The following SHROOM3 variants were observed in gnomAD, a reference collection of about 807,000 sequenced individuals.
SHROOM3 encodes the protein shroom family member 3.
Under a neutral mutation model 138.6 loss-of-function variants are expected in SHROOM3, and 47 were observed. The ratio of observed to expected loss-of-function variants is 0.34; its 90% CI spans 0.27 to 0.43. The LOEUF is 0.43. Among genes scored for constraint, SHROOM3 ranks in the 20% least tolerant of loss-of-function variants. SHROOM3 has a pLI of 1.00. For synonymous variants in SHROOM3, 1,062 were observed against 1,063.3 expected (o/e 1.00, Z 0.02); for missense variants, 2,491 against 2,596.5 (o/e 0.96, Z 0.88).
intron 1 of SHROOM3, among the ~76,000 whole-genome samples, chr4:76,516,230 T>G (rs770536647): frequency 1.2e-4 from 18 of 152,202 alleles, no homozygotes; most frequent in Non-Finnish European, 1.9e-4. Context: ...TCTCCGTCAT[T>G]TCTCCTGTTC....
intron 1 of SHROOM3, among the ~76,000 whole-genome samples, chr4:76,522,215 T>C (rs972635155): frequency 2.7e-5 from 4 of 149,192 alleles, no homozygotes; most frequent in African/African-American, 7.3e-5. Flanking sequence ...GTCTATATTA[T>C]ATATGAATAA....
At chr4:76,584,710 A>G (rs538998035) in intron 2 of SHROOM3, among the ~76,000 whole-genome samples, 7 of 152,292 alleles carry the variant, frequency 4.6e-5, no homozygotes, top group African/African-American at 1.7e-4. Flanking sequence ...AATGAATTGC[A>G]CGGCCTGGCT....
At chr4:76,773,515 G>A (rs112269307) in intron 10 of SHROOM3, among the ~76,000 whole-genome samples, 1 of 152,102 alleles carries the variant, frequency 6.6e-6, no homozygotes, top group Non-Finnish European at 1.5e-5. Flanking sequence ...ATGAGGGCTC[G>A]CCCCTTGTCC....
intron 2 of SHROOM3, among the ~76,000 whole-genome samples, chr4:76,644,635 G>A (rs998122814): frequency 4.6e-5 from 7 of 151,710 alleles, no homozygotes; most frequent in African/African-American, 1.7e-4. Context: ...GATACAATGT[G>A]ATGATTTGAT....
chr4:76,742,226 A>G, intron 5 of SHROOM3: 2 of 437,286 alleles, frequency 4.6e-6, no homozygotes, highest in Non-Finnish European at 8.3e-6. Flanking sequence ...AAGAAAAATT[A>G]GGGATTATCT....
chr4:76,514,850 G>C (rs13102093), intron 1 of SHROOM3, among the ~76,000 whole-genome samples: 29,466 of 152,104 alleles, frequency 0.19, 3,519 homozygotes, highest in African/African-American at 0.33. Context: ...TGCAGTGGCT[G>C]ACATCTGTAA....
intron 2 of SHROOM3, among the ~76,000 whole-genome samples, chr4:76,633,770 A>G (rs1244295430): frequency 6.6e-6 from 1 of 152,104 alleles, no homozygotes; most frequent in African/African-American, 2.4e-5. Context: ...TTCTCACCCA[A>G]ATACCCAATA....
At chr4:76,470,633 G>A (rs1342788238) in intron 1 of SHROOM3, among the ~76,000 whole-genome samples, 1 of 152,128 alleles carries the variant, frequency 6.6e-6, no homozygotes, top group Non-Finnish European at 1.5e-5. Context: ...GGCTATCAAA[G>A]GATAATTACA....
At position 76,457,495 on chromosome 4, in the gene SHROOM3, AT is replaced by A. The variant is rs763634018; in HGVS notation, c.168+21290del. 2.8e-3 allele frequency among the ~76,000 whole-genome samples: 397 copies of A among 142,292 alleles called. 2 individuals carry two copies. Among genetic ancestry groups the A allele is most frequent in the South Asian group, 0.02 (91 of 4,456 alleles). 93.3% of individuals were successfully genotyped at this position (142,292 alleles called of 152,430 possible). A position where few individuals can be genotyped will look rare whatever the true frequency, so the allele number is the denominator to read the frequency against. On this transcript the variant is annotated intron_variant, in intron 1 of 10. Coordinates refer to ENST00000296043, the MANE Select transcript of SHROOM3 (RefSeq NM_020859.4). ...GTCAACTAAACCTCTTTTCTTTATA[AT>A]TTTTTTTTTTTTTTGAGATGGAGTC...
chr4:76,529,569 C>A (rs952716682), intron 1 of SHROOM3, among the ~76,000 whole-genome samples: 6 of 152,292 alleles, frequency 3.9e-5, no homozygotes, highest in Admixed American at 1.3e-4. Flanking sequence ...TCGTGATCCA[C>A]CTGCCTCGGC....
chr4:76,488,477 C>T (rs951929493), intron 1 of SHROOM3, among the ~76,000 whole-genome samples: 2 of 152,180 alleles, frequency 1.3e-5, no homozygotes, highest in Non-Finnish European at 2.9e-5. Context: ...AACATTGTTT[C>T]ATTGGAGAGG....
intron 2 of SHROOM3, among the ~76,000 whole-genome samples, chr4:76,598,715 G>A (rs1734441695): frequency 6.6e-6 from 1 of 152,182 alleles, no homozygotes. Flanking sequence ...GTGGGCAGGG[G>A]GTAGCCCTGT....
intron 2 of SHROOM3, among the ~76,000 whole-genome samples, chr4:76,603,875 C>T (rs1402748173): frequency 7.5e-6 from 1 of 132,752 alleles, no homozygotes; most frequent in African/African-American, 2.9e-5. Context: ...TGGAGTCTTG[C>T]ACTGTCTCCC....
intron 2 of SHROOM3, among the ~76,000 whole-genome samples, chr4:76,632,561 G>A (rs930219751): frequency 3.9e-5 from 6 of 152,174 alleles, no homozygotes; most frequent in Admixed American, 3.9e-4. Context: ...AATTACTGGG[G>A]ATGGAGGGGA....
At chr4:76,440,909 A>T (rs1239518229) in intron 1 of SHROOM3, among the ~76,000 whole-genome samples, 1 of 151,516 alleles carries the variant, frequency 6.6e-6, no homozygotes, top group Non-Finnish European at 1.5e-5. Flanking sequence ...TGCTTCCTCC[A>T]CCTGTAATAT....
intron 1 of SHROOM3, among the ~76,000 whole-genome samples, chr4:76,481,696 AC>A (rs921986210): frequency 6.6e-6 from 1 of 152,136 alleles, no homozygotes; most frequent in African/African-American, 2.4e-5. Flanking sequence ...CAGAGACACA[AC>A]AAAAAATGAA....
intron 1 of SHROOM3, among the ~76,000 whole-genome samples, chr4:76,497,087 T>G (rs1417658868): frequency 6.6e-6 from 1 of 152,250 alleles, no homozygotes; most frequent in East Asian, 1.9e-4. Flanking sequence ...AGTCCATTTC[T>G]GTTTTAAGGC....
In SHROOM3 at chr4:76,664,445, A is replaced by G. The variant is rs1396469295; in HGVS notation, c.324-45711A>G. Among the ~76,000 whole-genome samples the G allele has an allele frequency of 1.3e-5, 2 of 152,204 alleles. No individual in the cohort carries two copies. Among genetic ancestry groups the G allele is most frequent in the African/African-American group, 4.8e-5 (2 of 41,448 alleles). On this transcript the variant is annotated intron_variant, in intron 2 of 10. Transcript: ENST00000296043. The surrounding 1 kb of genome is among the most constrained non-coding windows in gnomAD (Gnocchi z 4.2). ...TCATTGATTAATAGTTGTGATTCTC[A>G]ATCTTAGCTGCACATGACAATGATC...
Position 76,739,261 on chromosome 4 carries a change from A to T in SHROOM3, c.1088A>T (p.Gln363Leu). 1 of 1,614,122 alleles carries T rather than the reference A, an allele frequency of 6.2e-7. No homozygotes were observed. Among genetic ancestry groups the T allele is most frequent in the Non-Finnish European group, 8.5e-7 (1 of 1,180,040 alleles). ...GGAGTGCCACCCCCATCCTGGAGCC[A>T]GCAGTGCCCCAGTTCCTTGGAGACT... The part of the protein sequence containing the change: ...GKGVPPPSWS[Q>L]QCPSSLETAT... The change falls in exon 5 of 11, where the codon CAG becomes CTG. Residue 363 changes from glutamine (Q) to leucine (L), a missense_variant. Transcript: ENST00000296043.
Sources: gnomAD v4.1 joint callset for allele counts (sites outside exome capture counted in the v4.1 genomes callset) on GRCh38, gnomAD v4.1.1 for gene constraint, Gnocchi (gnomAD v3.1) non-coding constraint, MANE v1.5 for transcripts, NCBI Gene and HGNC (gene_info 2026-07-23, HGNC 2026-07-21) for gene names.